ERN1: variants seen among roughly 807,000 people sequenced by gnomAD.
ERN1 encodes endoplasmic reticulum to nucleus signaling 1, also known as serine/threonine-protein kinase/endoribonuclease IRE1.
A neutral mutation model predicts 113.1 loss-of-function variants in ERN1; 39 were observed. That is an observed-to-expected ratio of 0.34 (90% CI 0.27 to 0.45). The LOEUF is 0.45. ERN1 is among the 20% of genes least tolerant of loss of function. The pLI, the probability that ERN1 is intolerant of heterozygous loss-of-function variation, is 1.00. For synonymous variants in ERN1, 507 were observed against 515.9 expected (o/e 0.98, Z 0.23); for missense variants, 976 against 1,274.8 (o/e 0.77, Z 3.57).
At position 64,066,728 on chromosome 17, in the gene ERN1, C is replaced by T. The variant is rs757065444; in HGVS notation, c.785G>A (p.Arg262His). Reference sequence around the variant, plus strand: ...GAACGGGTACTTCCACTTTGTGATGCGCCCCACCTCCCCAGACATGAAGGT... The same window carrying T: ...GAACGGGTACTTCCACTTTGTGATGTGCCCCACCTCCCCAGACATGAAGGT... ...YLTFMSGEVG[R>H]ITKWKYPFPK... is the part of the protein sequence containing the mutation. The change falls in exon 8 of 22, where the codon CGC becomes CAC. Residue 262 changes from arginine to histidine, a missense_variant. Arg to His is a conservative substitution (Grantham distance 29, BLOSUM62 0). This residue lies in a region of ERN1 where 459 missense variants were observed against 581.2 expected (regional missense o/e 0.79). Transcript: ENST00000433197. The T allele has an allele frequency of 1.5e-5, 24 of 1,613,794 alleles. No individual in the cohort carries two copies. The highest frequency in any genetic ancestry group is 4.0e-5 in the African/African-American group (3 of 74,900).
rs1175280761 is a variant in ERN1, at chr17:64,063,760, T to C, written c.1087+226A>G. On this transcript the variant is annotated intron_variant, in intron 10 of 21. Coordinates refer to ENST00000433197, the MANE Select transcript of ERN1 (RefSeq NM_001433.5). This position sits in a 1 kb window ranked among gnomAD's most constrained non-coding sequence, Gnocchi z 5.1. Reference sequence around the variant, plus strand: ...ACAAGGTTTACATTAATTTAGTACCTGAGTTTTGGAACATTAAACAGTTTT... The same window carrying C: ...ACAAGGTTTACATTAATTTAGTACCCGAGTTTTGGAACATTAAACAGTTTT... 6.6e-6 allele frequency among the ~76,000 whole-genome samples: 1 copy of C among 152,226 alleles called. No individual in the cohort carries two copies. Among genetic ancestry groups the C allele is most frequent in the Non-Finnish European group, 1.5e-5 (1 of 68,040 alleles).
chr17:64,048,474 GT>G (rs1375528231), intron 18 of ERN1, among the ~76,000 whole-genome samples: 1 of 152,122 alleles, frequency 6.6e-6, no homozygotes, highest in Non-Finnish European at 1.5e-5. Context: ...GCTAATCTGT[GT>G]TTTCTATAAT....
At chr17:64,121,609 C>A (rs1914957620) in intron 1 of ERN1, among the ~76,000 whole-genome samples, 2 of 152,200 alleles carry the variant, frequency 1.3e-5, no homozygotes, top group Admixed American at 1.3e-4. Flanking sequence ...TCTGCCTCAG[C>A]CTCATGAGTA....
chr17:64,072,689 C>A (rs978630236), intron 5 of ERN1, among the ~76,000 whole-genome samples: 1 of 152,236 alleles, frequency 6.6e-6, no homozygotes, highest in African/African-American at 2.4e-5. Context: ...TCCCTGGCCT[C>A]GGGCCATACC....
intron 2 of ERN1, among the ~76,000 whole-genome samples, chr17:64,085,441 G>A (rs1296422567): frequency 6.6e-6 from 1 of 152,116 alleles, no homozygotes; most frequent in Non-Finnish European, 1.5e-5. Flanking sequence ...TTAATAGGGT[G>A]AGGATTCACT....
At chr17:64,057,748 G>A in intron 12 of ERN1, 54 bp downstream of exon 12, 1 of 1,510,620 alleles carries the variant, frequency 6.6e-7, no homozygotes, top group Non-Finnish European at 9.2e-7. Flanking sequence ...TGAGGCGACA[G>A]GCAGAGAAGC....
intron 1 of ERN1, among the ~76,000 whole-genome samples, chr17:64,098,897 A>C (rs1049885076): frequency 6.6e-6 from 1 of 152,192 alleles, no homozygotes; most frequent in African/African-American, 2.4e-5. Flanking sequence ...GAAATAACCA[A>C]AGGCTGTGAC....
chr17:64,047,833 G>A (rs1655138810), intron 19 of ERN1, 25 bp downstream of exon 19: 1 of 1,557,880 alleles, frequency 6.4e-7, no homozygotes, highest in African/African-American at 1.4e-5. Context: ...TGAAGACTCT[G>A]GATAAAGAGA....
At chr17:64,085,532 C>T (rs1254114366) in intron 2 of ERN1, among the ~76,000 whole-genome samples, 3 of 152,198 alleles carry the variant, frequency 2.0e-5, no homozygotes, top group Non-Finnish European at 2.9e-5. Flanking sequence ...GCTCCACCTC[C>T]ATCACTGGGA....
At chr17:64,112,147 C>G (rs1914688612) in intron 1 of ERN1, among the ~76,000 whole-genome samples, 1 of 152,072 alleles carries the variant, frequency 6.6e-6, no homozygotes, top group South Asian at 2.1e-4. Flanking sequence ...GTGGGCAGAT[C>G]ACTTGAGGTC....
intron 2 of ERN1, chr17:64,097,903 T>C (rs1401181169): frequency 1.9e-6 from 1 of 540,196 alleles, no homozygotes; most frequent in African/African-American, 1.9e-5. Flanking sequence ...AAAAAGAAGA[T>C]AAAACGTGCT....
intron 12 of ERN1, 149 bp downstream of exon 12, chr17:64,057,653 C>G: frequency 1.3e-6 from 1 of 771,868 alleles, no homozygotes; most frequent in South Asian, 1.7e-5. Flanking sequence ...CAGGCGTGAG[C>G]CACTGTGCCC....
chr17:64,066,644 C>A, intron 8 of ERN1, 27 bp downstream of exon 8: 1 of 1,610,920 alleles, frequency 6.2e-7, no homozygotes, highest in Non-Finnish European at 8.5e-7. Flanking sequence ...CACGGCCGCC[C>A]TCTCCTTCCC....
In ERN1 at chr17:64,065,208, C is replaced by G. The variant is rs759083436; in HGVS notation, c.921+1G>C. 2.5e-6 allele frequency: 4 copies of G among 1,604,602 alleles called. No individual in the cohort carries two copies. Among genetic ancestry groups the G allele is most frequent in the Non-Finnish European group, 2.6e-6 (3 of 1,175,276 alleles). On this transcript the variant is annotated splice_donor_variant, in intron 9 of 21. Transcript: ENST00000433197. LOFTEE classifies it high-confidence loss of function. The stretch of plus-strand genomic sequence containing the variant: ...CTGCGAGCCCTCCGTAGTGGACTTA[C>G]CACGACAGCAACCCCCTCGTGTACC...
At chr17:64,115,618 C>T (rs1188192508) in intron 1 of ERN1, among the ~76,000 whole-genome samples, 1 of 152,200 alleles carries the variant, frequency 6.6e-6, no homozygotes, top group African/African-American at 2.4e-5. Context: ...CATATAGCTT[C>T]AAAACCTGTT....
In ERN1 at chr17:64,066,871, C is replaced by T; in HGVS notation, c.642G>A (p.Gly214=). The change falls in exon 8 of 22, where the codon GGG becomes GGA. Residue 214 remains glycine (G), a synonymous_variant. Coordinates refer to ENST00000433197, the MANE Select transcript of ERN1 (RefSeq NM_001433.5). ...CGTAGTTTTGGATCCACAGGACGTC[C>T]CCAGATTCACTGTCCACAGTCACCA... ...GLVVTVDSES[G]DVLWIQNYAS... 1 of 1,613,886 alleles carries T rather than the reference C, an allele frequency of 6.2e-7. No homozygotes were observed. Among genetic ancestry groups the T allele is most frequent in the East Asian group, 2.2e-5 (1 of 44,880 alleles).
intron 6 of ERN1, 121 bp downstream of exon 6, chr17:64,071,860 A>C: frequency 9.7e-7 from 1 of 1,035,222 alleles, no homozygotes; most frequent in Non-Finnish European, 1.4e-6. Flanking sequence ...GGAAAATGAC[A>C]TGATGGGACC....
At chr17:64,118,321 A>G (rs1250100021) in intron 1 of ERN1, among the ~76,000 whole-genome samples, 2 of 152,254 alleles carry the variant, frequency 1.3e-5, no homozygotes, top group Non-Finnish European at 2.9e-5. Flanking sequence ...CAATTTCATC[A>G]TATGGGGCAA....
chr17:64,076,234 A>C (rs1235764918), intron 4 of ERN1, among the ~76,000 whole-genome samples: 1 of 152,192 alleles, frequency 6.6e-6, no homozygotes, highest in Non-Finnish European at 1.5e-5. Context: ...TGTTCTATAG[A>C]TACCTGCTTT....
Sources: gnomAD v4.1 joint callset for allele counts (sites outside exome capture counted in the v4.1 genomes callset) on GRCh38, gnomAD v4.1.1 for gene constraint, gnomAD v4.1.1 regional missense constraint, Gnocchi (gnomAD v3.1) non-coding constraint, MANE v1.5 for transcripts, NCBI Gene and HGNC (gene_info 2026-07-23, HGNC 2026-07-21) for gene names.